SLC18A1: variants seen among roughly 807,000 people sequenced by gnomAD.
The protein encoded by SLC18A1 is solute carrier family 18 member A1, also known as chromaffin granule amine transporter.
A neutral mutation model predicts 53.7 loss-of-function variants in SLC18A1; 69 were observed. The observed-to-expected ratio is 1.28, with a 90% CI of 1.06 to 1.57. The LOEUF is 1.57. Ranked by LOEUF, SLC18A1 falls within the 40% of genes most tolerant of loss-of-function variation. The pLI is 0.00. For missense variants in SLC18A1, 932 were observed against 668.1 expected (o/e 1.40, Z -4.35); for synonymous variants, 320 against 248.1 (o/e 1.29, Z -2.72).
chr8:20,147,584 C>G lies in SLC18A1; in HGVS notation c.1330+19G>C, dbSNP rs1361664780. On this transcript the variant is annotated intron_variant, in intron 14 of 15. Coordinates refer to ENST00000276373, the MANE Select transcript of SLC18A1 (RefSeq NM_003053.4). ...AGAGTAGACAGGGGAAAGTGGGGCACCAGGTCCTGCCAACATACCTATAGC... is the reference window on the plus strand; with the variant it reads ...AGAGTAGACAGGGGAAAGTGGGGCAGCAGGTCCTGCCAACATACCTATAGC... 2 of 1,613,662 alleles carry G rather than the reference C, an allele frequency of 1.2e-6. No homozygotes were observed. The highest frequency in any genetic ancestry group is 1.7e-6 in the Non-Finnish European group (2 of 1,179,676).
rs143451066 is a variant in SLC18A1, at chr8:20,168,812, C to T, written c.858+2291G>A. On this transcript the variant is annotated intron_variant, in intron 8 of 15. Coordinates refer to ENST00000276373, the MANE Select transcript of SLC18A1 (RefSeq NM_003053.4). ...CTCAAACTCCTGGTCTCAAGTGATC[C>T]GCCTGCCTTGGAGGAATGGCTATTC... Among the ~76,000 whole-genome samples the T allele has an allele frequency of 3.3e-3, 501 of 152,186 alleles. 4 individuals carry two copies. Among genetic ancestry groups the T allele is most frequent in the Middle Eastern group, 6.8e-3 (2 of 292 alleles).
At chr8:20,156,184 A>G (rs1585197934) in intron 10 of SLC18A1, among the ~76,000 whole-genome samples, 1 of 152,328 alleles carries the variant, frequency 6.6e-6, no homozygotes, top group Non-Finnish European at 1.5e-5. Flanking sequence ...TGCTAACAGA[A>G]GGAAGTAGAA....
Position 20,165,718 on chromosome 8 carries a change from C to G in SLC18A1, c.859-611G>C, listed in dbSNP as rs552912380. On this transcript the variant is annotated intron_variant, in intron 8 of 15. Coordinates refer to ENST00000276373, the MANE Select transcript of SLC18A1 (RefSeq NM_003053.4). Reference sequence around the variant, plus strand: ...CTCTTTCCAAGCATCCCAGCAGTGCCTCAGCCATCATTATTGCCTTTGCCT... The same window carrying G: ...CTCTTTCCAAGCATCCCAGCAGTGCGTCAGCCATCATTATTGCCTTTGCCT... Among the ~76,000 whole-genome samples, 13 of 152,282 alleles carry G rather than the reference C, an allele frequency of 8.5e-5. No homozygotes were observed. In the East Asian group the frequency reaches 2.3e-3, roughly 27 times the overall value.
At chr8:20,170,123 A>T (rs1322697466) in intron 8 of SLC18A1, among the ~76,000 whole-genome samples, 1 of 152,040 alleles carries the variant, frequency 6.6e-6, no homozygotes, top group East Asian at 1.9e-4. Flanking sequence ...GGTGGTTATG[A>T]CTTCCCTCTC....
At chr8:20,161,687 G>T (rs1433168192) in intron 10 of SLC18A1, among the ~76,000 whole-genome samples, 1 of 152,184 alleles carries the variant, frequency 6.6e-6, no homozygotes, top group Non-Finnish European at 1.5e-5. Flanking sequence ...GAAGAAGAAA[G>T]GGGTAACAGG....
At chr8:20,152,053 G>T (rs1355397562) in intron 10 of SLC18A1, among the ~76,000 whole-genome samples, 1 of 152,166 alleles carries the variant, frequency 6.6e-6, no homozygotes, top group African/African-American at 2.4e-5. Flanking sequence ...TGGGATTTCA[G>T]GGTTGGGGAA....
At chr8:20,168,727 C>A (rs1184234487) in intron 8 of SLC18A1, among the ~76,000 whole-genome samples, 2 of 152,088 alleles carry the variant, frequency 1.3e-5, no homozygotes, top group Non-Finnish European at 2.9e-5. Flanking sequence ...ACCACCATGC[C>A]CAGCTAATTT....
chr8:20,181,013 G>C lies in SLC18A1; in HGVS notation c.-49C>G, dbSNP rs374747290. The C allele has an allele frequency of 6.5e-7, 1 of 1,540,836 alleles. No individual in the cohort carries two copies. Among genetic ancestry groups the C allele is most frequent in the South Asian group, 1.2e-5 (1 of 83,418 alleles). The stretch of plus-strand genomic sequence containing the variant: ...CTTCCCCTGCGGGCTCTTAGGGAAG[G>C]TCCTGTGACAGCTACAGGTCTCCTG... On this transcript the variant is annotated 5_prime_UTR_variant, in exon 2 of 16. Transcript: ENST00000276373.
At chr8:20,165,144 A>G in intron 8 of SLC18A1, 37 bp from the exon 9 acceptor site, 4 of 1,528,350 alleles carry the variant, frequency 2.6e-6, no homozygotes, top group Non-Finnish European at 3.6e-6. Context: ...CCATTTGTAC[A>G]GTGCATACAT....
chr8:20,160,582 T>A (rs532871992), intron 10 of SLC18A1, among the ~76,000 whole-genome samples: 1 of 152,274 alleles, frequency 6.6e-6, no homozygotes, highest in South Asian at 2.1e-4. Context: ...ACTGATAGTA[T>A]CCTGTATTCC....
chr8:20,169,061 AGACCCAGACAACACCTT>A (rs1213855337), intron 8 of SLC18A1, among the ~76,000 whole-genome samples: 2 of 152,208 alleles, frequency 1.3e-5, no homozygotes, highest in Admixed American at 6.5e-5. Flanking sequence ...ACTACACAAG[AGACCCAGACAACACCTT>A]GACCCAGTGA....
intron 8 of SLC18A1, among the ~76,000 whole-genome samples, chr8:20,170,317 TAA>T (rs1323285640): frequency 2.0e-5 from 3 of 152,204 alleles, no homozygotes; most frequent in Admixed American, 2.0e-4. Context: ...AGAGTGAGGC[TAA>T]AAATTGTACT....
intron 5 of SLC18A1, 61 bp from the exon 6 acceptor site, chr8:20,173,189 C>T: frequency 8.1e-7 from 1 of 1,239,592 alleles, no homozygotes; most frequent in Non-Finnish European, 1.1e-6. Flanking sequence ...CCTCTCAGAG[C>T]CCTTGGTCCC....
intron 1 of SLC18A1, among the ~76,000 whole-genome samples, chr8:20,181,523 G>A (rs1456359472): frequency 6.6e-6 from 1 of 152,038 alleles, no homozygotes; most frequent in East Asian, 1.9e-4. Context: ...GAGGTGGGAG[G>A]ATATCTTGAG....
intron 2 of SLC18A1, 128 bp downstream of exon 2, chr8:20,180,711 ACC>A: frequency 8.5e-7 from 1 of 1,174,728 alleles, no homozygotes; most frequent in Non-Finnish European, 1.2e-6. Flanking sequence ...GTCCCCAACA[ACC>A]TCTGTGTGTT....
At chr8:20,146,437 A>G (rs531402049) in intron 15 of SLC18A1, among the ~76,000 whole-genome samples, 7 of 152,262 alleles carry the variant, frequency 4.6e-5, no homozygotes, top group African/African-American at 1.7e-4. Flanking sequence ...CAGGAAGCCA[A>G]ATGGAATCAC....
At chr8:20,174,862 C>T (rs1307354605) in intron 4 of SLC18A1, among the ~76,000 whole-genome samples, 3 of 152,146 alleles carry the variant, frequency 2.0e-5, no homozygotes, top group African/African-American at 7.2e-5. Context: ...CCCACAGGAT[C>T]ATCTGGAGTA....
chr8:20,180,642 G>A (rs553005052), intron 2 of SLC18A1, among the ~76,000 whole-genome samples, 199 bp downstream of exon 2: 1 of 152,190 alleles, frequency 6.6e-6, no homozygotes, highest in African/African-American at 2.4e-5. Flanking sequence ...TGAACCTCCT[G>A]AGTCTTTTAG....
At chr8:20,146,601 G>A (rs2071405374) in intron 15 of SLC18A1, among the ~76,000 whole-genome samples, 1 of 152,024 alleles carries the variant, frequency 6.6e-6, no homozygotes, top group African/African-American at 2.4e-5. Flanking sequence ...TCTTCCCTGG[G>A]GTTTTTGTAC....
Sources: allele counts gnomAD v4.1 joint callset (sites outside exome capture counted in the v4.1 genomes callset), GRCh38; gene constraint gnomAD v4.1.1; transcripts MANE v1.5; gene names NCBI Gene and HGNC (gene_info 2026-07-23, HGNC 2026-07-21).